Variants in EML6 observed in about 807,000 individuals in gnomAD.
The protein encoded by EML6 is echinoderm microtubule-associated protein-like 6.
Under a neutral mutation model 240.1 loss-of-function variants are expected in EML6, and 154 were observed. The observed-to-expected ratio is 0.64, with a 90% CI of 0.56 to 0.73. The LOEUF (loss-of-function observed/expected upper bound fraction) is 0.73, where lower values mean the gene tolerates loss of function less well. Ranked by LOEUF, EML6 falls within the 30% of genes least tolerant of loss-of-function variation. The pLI, the probability that EML6 is intolerant of heterozygous loss-of-function variation, is 0.00. For synonymous variants in EML6, 1,148 were observed against 899.0 expected (o/e 1.28, Z -4.95); for missense variants, 2,964 against 2,474.6 (o/e 1.20, Z -4.20).
chr2:54,837,817 G>A (rs1376274936), intron 7 of EML6, among the ~76,000 whole-genome samples: 1 of 152,186 alleles, frequency 6.6e-6, no homozygotes, highest in Non-Finnish European at 1.5e-5. Flanking sequence ...ATCTGGGAGG[G>A]GCGCAAGCAT....
intron 22 of EML6, among the ~76,000 whole-genome samples, chr2:54,901,283 T>G (rs537241779): frequency 6.6e-6 from 1 of 152,318 alleles, no homozygotes; most frequent in East Asian, 1.9e-4. Context: ...TTAACACTAT[T>G]TCCCTCTGCC....
chr2:54,736,358 C>T (rs1683391329), intron 2 of EML6, among the ~76,000 whole-genome samples: 1 of 152,214 alleles, frequency 6.6e-6, no homozygotes, highest in South Asian at 2.1e-4. Context: ...TGGCATTGTG[C>T]ATGGGGATTG....
At chr2:54,949,019 A>G (rs1245833751) in intron 29 of EML6, 59 bp downstream of exon 29, 9 of 1,254,956 alleles carry the variant, frequency 7.2e-6, no homozygotes, top group Non-Finnish European at 1.0e-5. Flanking sequence ...CCTGGTAGAC[A>G]TCCCCATCTG....
intron 5 of EML6, among the ~76,000 whole-genome samples, chr2:54,821,840 T>C (rs2104114746): frequency 6.6e-6 from 1 of 152,200 alleles, no homozygotes; most frequent in South Asian, 2.1e-4. Context: ...GAGGTAAGTT[T>C]CAAAAACTAT....
At chr2:54,730,946 A>G (rs1202824384) in intron 2 of EML6, among the ~76,000 whole-genome samples, 1 of 152,236 alleles carries the variant, frequency 6.6e-6, no homozygotes, top group Non-Finnish European at 1.5e-5. Context: ...ACAAGAAAAT[A>G]AGATGACTAT....
chr2:54,763,860 A>C (rs2103770421), intron 2 of EML6, among the ~76,000 whole-genome samples: 1 of 152,284 alleles, frequency 6.6e-6, no homozygotes, highest in South Asian at 2.1e-4. Context: ...TGCTGCCTTC[A>C]GGCTCCCTTC....
At chr2:54,813,179 G>A (rs1572939306) in intron 2 of EML6, 53 bp from the exon 3 acceptor site, 23 of 1,279,728 alleles carry the variant, frequency 1.8e-5, no homozygotes, top group Admixed American at 2.4e-5. Context: ...GATAAAAGGT[G>A]ATCAGTGTTT....
At chr2:54,802,102 C>A (rs549215260) in intron 2 of EML6, among the ~76,000 whole-genome samples, 86 of 152,244 alleles carry the variant, frequency 5.6e-4, no homozygotes, top group African/African-American at 1.9e-3. Flanking sequence ...AGGCACGGTG[C>A]TGTTCTGGGG....
intron 2 of EML6, among the ~76,000 whole-genome samples, chr2:54,807,240 A>G (rs1359938365): frequency 6.6e-6 from 1 of 152,242 alleles, no homozygotes; most frequent in Non-Finnish European, 1.5e-5. Flanking sequence ...AGTTGTTCAC[A>G]TCATTGGCAA....
At chr2:54,930,011 C>T (rs988954362) in intron 28 of EML6, among the ~76,000 whole-genome samples, 1 of 151,950 alleles carries the variant, frequency 6.6e-6, no homozygotes, top group African/African-American at 2.4e-5. Context: ...ACCATATGCA[C>T]AGAAGTGCAT....
intron 2 of EML6, among the ~76,000 whole-genome samples, chr2:54,744,905 TACACACACACACACACACACACAC>T (rs56324677): frequency 0.16 from 16,759 of 107,266 alleles, 1,213 homozygotes; most frequent in Middle Eastern, 0.22. Flanking sequence ...CACACACACG[TACACACACACACACACACACACAC>T]ACACACACAC....
intron 11 of EML6, among the ~76,000 whole-genome samples, chr2:54,855,186 G>A (rs759579048): frequency 4.6e-5 from 7 of 152,274 alleles, no homozygotes; most frequent in Non-Finnish European, 8.8e-5. Context: ...ATTGGCTCAC[G>A]GTTTTGTAGG....
At chr2:54,964,428 C>T in intron 37 of EML6, 143 bp from the exon 38 acceptor site, 1 of 771,322 alleles carries the variant, frequency 1.3e-6, no homozygotes. Flanking sequence ...CCGTAGAATG[C>T]CAGGAGAGGC....
intron 7 of EML6, 79 bp downstream of exon 7, chr2:54,829,556 G>A (rs776595917): frequency 4.3e-6 from 5 of 1,175,118 alleles, no homozygotes; most frequent in Admixed American, 2.7e-5. Flanking sequence ...TTGTTTCTCT[G>A]TACCCCATTT....
chr2:54,871,734 G>C (rs1385782596), intron 16 of EML6, 129 bp downstream of exon 16: 1 of 700,878 alleles, frequency 1.4e-6, no homozygotes, highest in African/African-American at 1.8e-5. Context: ...CGTTCTGTTT[G>C]TATTGAAGTA....
At chr2:54,941,400 G>T (rs1157340774) in intron 28 of EML6, among the ~76,000 whole-genome samples, 1 of 152,178 alleles carries the variant, frequency 6.6e-6, no homozygotes, top group East Asian at 1.9e-4. Context: ...AAGTGGCACA[G>T]TGTCAACGGC....
chr2:54,963,004 T>C (rs1676590446), intron 36 of EML6, among the ~76,000 whole-genome samples: 1 of 152,134 alleles, frequency 6.6e-6, no homozygotes, highest in South Asian at 2.1e-4. Flanking sequence ...ATGTGAAATG[T>C]TCTGAAATGG....
chr2:54,841,684 C>T (rs1424067482), intron 7 of EML6, among the ~76,000 whole-genome samples: 1 of 151,418 alleles, frequency 6.6e-6, no homozygotes, highest in African/African-American at 2.4e-5. Context: ...CCTCCGCCTC[C>T]CAGGCTCATG....
chr2:54,949,290 G>A (rs765357832), intron 29 of EML6, among the ~76,000 whole-genome samples: 1 of 152,200 alleles, frequency 6.6e-6, no homozygotes, highest in Non-Finnish European at 1.5e-5. Context: ...GGAGAAGAAA[G>A]GAAAGAGACA....
Sources: allele counts gnomAD v4.1 joint callset (sites outside exome capture counted in the v4.1 genomes callset), GRCh38; gene constraint gnomAD v4.1.1; transcripts MANE v1.5; gene names NCBI Gene and HGNC (gene_info 2026-07-23, HGNC 2026-07-21).